The following CTTNBP2 variants were observed in gnomAD, a reference collection of about 807,000 sequenced individuals.
CTTNBP2 encodes the protein cortactin binding protein 2.
A neutral mutation model predicts 156.9 loss-of-function variants in CTTNBP2; 108 were observed. The observed-to-expected ratio is 0.69, with a 90% CI of 0.59 to 0.81. The LOEUF is 0.81. Ranked by LOEUF, CTTNBP2 falls within the 30% of genes least tolerant of loss-of-function variation. The pLI, the probability that CTTNBP2 is intolerant of heterozygous loss-of-function variation, is 0.00. For synonymous variants in CTTNBP2, 767 were observed against 751.8 expected, an observed-to-expected ratio of 1.02 and a Z score of -0.33; for missense variants, 1,924 against 2,035.4, an observed-to-expected ratio of 0.95 and a Z score of 1.05.
chr7:117,804,462 C>T (rs1799811178), intron 3 of CTTNBP2, among the ~76,000 whole-genome samples: 1 of 152,152 alleles, frequency 6.6e-6, no homozygotes, highest in Admixed American at 6.5e-5. Flanking sequence ...AAAGTCCTAA[C>T]TCATTATTAT....
chr7:117,861,274 G>A lies in CTTNBP2; in HGVS notation c.124C>T (p.Arg42Trp), dbSNP rs199629667. Residue 42 changes from arginine to tryptophan, a missense_variant, in exon 2 of 23, where the codon CGG becomes TGG. Physicochemically the swap from Arg to Trp is moderately radical, Grantham distance 101. Coordinates refer to ENST00000160373, the MANE Select transcript of CTTNBP2 (RefSeq NM_033427.3). ...CCTTCCATCACGCTGAGGAGCATCC[G>A]CAGCTCGGATTTACTGAGAGTATCC... ...DVDTLSKSEL[R>W]MLLSVMEGEL... 348 of 1,613,568 alleles carry A rather than the reference G, an allele frequency of 2.2e-4. 1 individual carries two copies. The highest frequency in any genetic ancestry group is 2.7e-4 in the Non-Finnish European group (319 of 1,179,780).
chr7:117,781,052 T>C (rs1373667644), intron 6 of CTTNBP2, among the ~76,000 whole-genome samples: 1 of 152,242 alleles, frequency 6.6e-6, no homozygotes, highest in Non-Finnish European at 1.5e-5. Flanking sequence ...GTGCCTTCTC[T>C]ATAAAAGGCA....
At chr7:117,790,978 T>G in intron 4 of CTTNBP2, 150 bp downstream of exon 4, 2 of 624,104 alleles carry the variant, frequency 3.2e-6, no homozygotes, top group Non-Finnish European at 5.2e-6. Context: ...TTAAAAAAAA[T>G]ACAAAAAAAG....
chr7:117,784,156 A>C, intron 5 of CTTNBP2, 95 bp downstream of exon 5: 1 of 914,922 alleles, frequency 1.1e-6, no homozygotes. Flanking sequence ...GAAAAATAAA[A>C]CTAAATTGAA....
At chr7:117,849,324 CGGAAT>C (rs1802791230) in intron 2 of CTTNBP2, among the ~76,000 whole-genome samples, 1 of 152,176 alleles carries the variant, frequency 6.6e-6, no homozygotes, top group African/African-American at 2.4e-5. Flanking sequence ...TGTGGAAACA[CGGAAT>C]GGAACACTTT....
At chr7:117,801,686 CTTTAA>C (rs1426403070) in intron 3 of CTTNBP2, among the ~76,000 whole-genome samples, 3 of 151,990 alleles carry the variant, frequency 2.0e-5, no homozygotes, top group Non-Finnish European at 2.9e-5. Context: ...AACCATATGT[CTTTAA>C]TTTATTTTCT....
At chr7:117,838,097 G>A (rs1802060441) in intron 2 of CTTNBP2, among the ~76,000 whole-genome samples, 1 of 152,190 alleles carries the variant, frequency 6.6e-6, no homozygotes, top group Non-Finnish European at 1.5e-5. Context: ...TTAGCCTCAA[G>A]GATGTAATCT....
At chr7:117,713,493 ATCC>A (rs1363374348) in intron 22 of CTTNBP2, among the ~76,000 whole-genome samples, 4 of 152,062 alleles carry the variant, frequency 2.6e-5, no homozygotes, top group Non-Finnish European at 4.4e-5. Flanking sequence ...TTAGCAGGAA[ATCC>A]TCAGTTATCT....
intron 2 of CTTNBP2, among the ~76,000 whole-genome samples, chr7:117,817,825 A>G (rs1401021211): frequency 6.6e-6 from 1 of 152,188 alleles, no homozygotes; most frequent in Non-Finnish European, 1.5e-5. Context: ...TAAGCCCAGG[A>G]GATAGCCATT....
intron 1 of CTTNBP2, among the ~76,000 whole-genome samples, chr7:117,866,667 G>T (rs1236969512): frequency 1.3e-5 from 2 of 152,156 alleles, no homozygotes; most frequent in Non-Finnish European, 2.9e-5. Context: ...TTTTCCATCA[G>T]TAAAAATAAG....
At chr7:117,785,925 G>A (rs1798680895) in intron 4 of CTTNBP2, among the ~76,000 whole-genome samples, 1 of 151,958 alleles carries the variant, frequency 6.6e-6, no homozygotes, top group South Asian at 2.1e-4. Context: ...TACGATATGT[G>A]GTAATATCCC....
intron 2 of CTTNBP2, among the ~76,000 whole-genome samples, chr7:117,816,699 T>G (rs1257361432): frequency 1.3e-5 from 2 of 152,212 alleles, no homozygotes; most frequent in Non-Finnish European, 2.9e-5. Context: ...TGTAAAAAGT[T>G]TACTGCTCTT....
At chr7:117,789,018 T>G (rs1563007484) in intron 4 of CTTNBP2, among the ~76,000 whole-genome samples, 1 of 152,158 alleles carries the variant, frequency 6.6e-6, no homozygotes, top group Non-Finnish European at 1.5e-5. Flanking sequence ...TGTCTTTTGC[T>G]CTCCAGACAT....
At chr7:117,778,643 G>A (rs530885105) in intron 7 of CTTNBP2, among the ~76,000 whole-genome samples, 99 of 152,240 alleles carry the variant, frequency 6.5e-4, no homozygotes, top group African/African-American at 2.1e-3. Flanking sequence ...CCCTCCAGGA[G>A]ATTCTAATAC....
intron 19 of CTTNBP2, among the ~76,000 whole-genome samples, chr7:117,723,006 G>A (rs927628799): frequency 1.3e-5 from 2 of 152,218 alleles, no homozygotes; most frequent in African/African-American, 4.8e-5. Flanking sequence ...GCAAATGAAA[G>A]GTATAATCCT....
At chr7:117,862,405 T>C (rs1803825047) in intron 1 of CTTNBP2, among the ~76,000 whole-genome samples, 1 of 152,204 alleles carries the variant, frequency 6.6e-6, no homozygotes, top group Admixed American at 6.5e-5. Flanking sequence ...CCTGAGTGAC[T>C]GCATCCAACC....
intron 8 of CTTNBP2, among the ~76,000 whole-genome samples, chr7:117,771,235 C>T (rs1797780720): frequency 6.6e-6 from 1 of 152,114 alleles, no homozygotes; most frequent in Non-Finnish European, 1.5e-5. Flanking sequence ...CAGTAGAAAC[C>T]CCAAGTCCAG....
intron 3 of CTTNBP2, among the ~76,000 whole-genome samples, chr7:117,805,185 G>A (rs1563024950): frequency 6.6e-6 from 1 of 152,064 alleles, no homozygotes; most frequent in Non-Finnish European, 1.5e-5. Flanking sequence ...ATATTCTCTT[G>A]ATTGTAGAGC....
chr7:117,725,363 GT>G, intron 17 of CTTNBP2, 106 bp from the exon 18 acceptor site: 1 of 997,352 alleles, frequency 1.0e-6, no homozygotes. Flanking sequence ...AACGTTAAGT[GT>G]TTCTATAGAT....
Sources: gnomAD v4.1 joint callset for allele counts (sites outside exome capture counted in the v4.1 genomes callset) on GRCh38, gnomAD v4.1.1 for gene constraint, MANE v1.5 for transcripts, NCBI Gene and HGNC (gene_info 2026-07-23, HGNC 2026-07-21) for gene names.